The following FBXL17 variants were observed in gnomAD, a reference collection of about 807,000 sequenced individuals.
The protein encoded by FBXL17 is F-box/LRR-repeat protein 17.
Under a neutral mutation model 66.2 loss-of-function variants are expected in FBXL17, and 22 were observed. The observed-to-expected ratio is 0.33, with a 90% CI of 0.24 to 0.47. The LOEUF is 0.47. Ranked by LOEUF, FBXL17 falls within the 20% of genes least tolerant of loss-of-function variation. The pLI, the probability that FBXL17 is intolerant of heterozygous loss-of-function variation, is 1.00. For synonymous variants in FBXL17, 474 were observed against 400.5 expected (o/e 1.18, Z -2.19); for missense variants, 878 against 948.2 (o/e 0.93, Z 0.97).
At chr5:108,117,967 C>A (rs982231706) in intron 6 of FBXL17, among the ~76,000 whole-genome samples, 1 of 151,938 alleles carries the variant, frequency 6.6e-6, no homozygotes, top group Non-Finnish European at 1.5e-5. Context: ...TACTAGAAAC[C>A]GTAAGGAATG....
chr5:108,194,555 C>G (rs1753601587), intron 5 of FBXL17, among the ~76,000 whole-genome samples: 1 of 152,184 alleles, frequency 6.6e-6, no homozygotes, highest in Non-Finnish European at 1.5e-5. Context: ...TTCTCCATCT[C>G]TTCACCCTCC....
chr5:108,093,794 T>C (rs1255549695), intron 6 of FBXL17, among the ~76,000 whole-genome samples: 1 of 152,166 alleles, frequency 6.6e-6, no homozygotes, highest in African/African-American at 2.4e-5. Flanking sequence ...GGGGTGTCTA[T>C]GTTTTATTCT....
chr5:107,959,707 A>G (rs570301351), intron 7 of FBXL17, among the ~76,000 whole-genome samples: 1 of 152,140 alleles, frequency 6.6e-6, no homozygotes, highest in Non-Finnish European at 1.5e-5. Context: ...GTTACTAAAA[A>G]CATTACAGTT....
chr5:108,154,466 T>C (rs1041754188), intron 6 of FBXL17, among the ~76,000 whole-genome samples: 2 of 150,380 alleles, frequency 1.3e-5, no homozygotes, highest in African/African-American at 4.9e-5. Context: ...GGTGTATGCC[T>C]GTAATCCCAG....
chr5:108,368,769 T>C (rs553722710), intron 1 of FBXL17, among the ~76,000 whole-genome samples: 19 of 151,972 alleles, frequency 1.3e-4, no homozygotes, highest in Admixed American at 6.6e-4. Flanking sequence ...CAGAAGAAAA[T>C]AAAATCAGGG....
chr5:107,945,871 T>C (rs1222897392), intron 7 of FBXL17, among the ~76,000 whole-genome samples: 3 of 152,148 alleles, frequency 2.0e-5, no homozygotes, highest in African/African-American at 7.2e-5. Flanking sequence ...CTCCATGTTT[T>C]GCTGAATATC....
chr5:107,978,798 C>T (rs1171125454), intron 7 of FBXL17, among the ~76,000 whole-genome samples: 2 of 152,194 alleles, frequency 1.3e-5, no homozygotes, highest in African/African-American at 2.4e-5. Flanking sequence ...TAAGTAATAA[C>T]TCTGTTGTCT....
At chr5:108,329,015 C>T (rs1759993845) in intron 4 of FBXL17, among the ~76,000 whole-genome samples, 1 of 152,040 alleles carries the variant, frequency 6.6e-6, no homozygotes, top group East Asian at 1.9e-4. Flanking sequence ...TTGATCTTCC[C>T]AATTCAAGCT....
chr5:108,335,214 C>T (rs969681866), intron 4 of FBXL17, among the ~76,000 whole-genome samples: 2 of 149,418 alleles, frequency 1.3e-5, no homozygotes, highest in African/African-American at 5.0e-5. Flanking sequence ...AATATTTTCA[C>T]TCTCCCACTC....
chr5:107,997,268 G>A (rs114618689), intron 7 of FBXL17, among the ~76,000 whole-genome samples: 2,995 of 152,276 alleles, frequency 0.02, 93 homozygotes, highest in African/African-American at 0.065. Context: ...TACAGATATT[G>A]AAGGTTGATA....
chr5:108,317,500 G>A (rs907710685), intron 4 of FBXL17, among the ~76,000 whole-genome samples: 3 of 150,490 alleles, frequency 2.0e-5, no homozygotes, highest in Admixed American at 1.3e-4. Flanking sequence ...ACTATACATC[G>A]ACTGAAAAAT....
rs183414588 is a variant in FBXL17 at position 107,978,380 on chromosome 5, G to A, written c.1822+42545C>T. On this transcript the variant is annotated intron_variant, in intron 7 of 8. Coordinates refer to ENST00000542267, the MANE Select transcript of FBXL17 (RefSeq NM_001163315.3). ...ACTGCCTTTGTAAAACTAATGAAAG[G>A]CCACAAGGTTAGGATTATGAGAGGG... Among the ~76,000 whole-genome samples the A allele has an allele frequency of 7.1e-4, 108 of 152,258 alleles. No individual in the cohort carries two copies. In the Middle Eastern group the frequency reaches 0.01, roughly 14 times the overall value.
intron 4 of FBXL17, among the ~76,000 whole-genome samples, chr5:108,285,167 G>A (rs1017127432): frequency 1.3e-5 from 2 of 151,864 alleles, no homozygotes; most frequent in East Asian, 1.9e-4. Context: ...CACATCTTCA[G>A]GCTTCACTTC....
intron 6 of FBXL17, among the ~76,000 whole-genome samples, chr5:108,135,929 G>A (rs1279671860): frequency 3.3e-5 from 5 of 152,072 alleles, no homozygotes; most frequent in African/African-American, 4.8e-5. Context: ...CTATCCAGAC[G>A]TCAAGGCCTC....
rs1195847375 is a variant in FBXL17, at chr5:107,924,386, A to C, written c.1823-43207T>G. On this transcript the variant is annotated intron_variant, in intron 7 of 8. Coordinates refer to ENST00000542267, the MANE Select transcript of FBXL17 (RefSeq NM_001163315.3). ...TGGGTACAAGGAGTCTTATTAGAAAATATTTATTACATGTAACTGGGTAGA... is the reference window on the plus strand; with the variant it reads ...TGGGTACAAGGAGTCTTATTAGAAACTATTTATTACATGTAACTGGGTAGA... Among the ~76,000 whole-genome samples, 4 of 152,184 alleles carry C rather than the reference A, an allele frequency of 2.6e-5. No homozygotes were observed. The East Asian group carries it at 7.7e-4, about 29-fold the overall frequency.
At chr5:108,075,160 T>C (rs2149912841) in intron 6 of FBXL17, among the ~76,000 whole-genome samples, 1 of 152,322 alleles carries the variant, frequency 6.6e-6, no homozygotes, top group African/African-American at 2.4e-5. Flanking sequence ...GTTGGCTCTG[T>C]TTCTTTATGG....
intron 6 of FBXL17, among the ~76,000 whole-genome samples, chr5:108,037,797 A>T (rs1205771728): frequency 6.6e-6 from 1 of 152,210 alleles, no homozygotes; most frequent in Non-Finnish European, 1.5e-5. Flanking sequence ...ACATTGGTAC[A>T]TGTGTTAGTT....
intron 1 of FBXL17, among the ~76,000 whole-genome samples, chr5:108,375,051 G>C (rs1032383761): frequency 1.3e-5 from 2 of 151,942 alleles, no homozygotes; most frequent in African/African-American, 2.4e-5. Context: ...AAAACCAAAA[G>C]TTTATTCTTT....
intron 4 of FBXL17, among the ~76,000 whole-genome samples, chr5:108,286,755 G>A (rs1427502368): frequency 1.3e-5 from 2 of 151,888 alleles, no homozygotes; most frequent in East Asian, 1.9e-4. Flanking sequence ...AACTACCAAC[G>A]ACATTATTCA....
Sources: gnomAD v4.1 joint callset for allele counts (sites outside exome capture counted in the v4.1 genomes callset) on GRCh38, gnomAD v4.1.1 for gene constraint, MANE v1.5 for transcripts, NCBI Gene and HGNC (gene_info 2026-07-23, HGNC 2026-07-21) for gene names.